OLFM2: variants seen among roughly 807,000 people sequenced by gnomAD.
OLFM2 encodes noelin-2.
Under a neutral mutation model 43.9 loss-of-function variants are expected in OLFM2, and 20 were observed. That is an observed-to-expected ratio of 0.46 (90% CI 0.32 to 0.66). The LOEUF (loss-of-function observed/expected upper bound fraction) is 0.66, where lower values mean the gene tolerates loss of function less well. Ranked by LOEUF, OLFM2 falls within the 30% of genes least tolerant of loss-of-function variation. OLFM2 has a pLI of 0.04. For missense variants in OLFM2, 416 were observed against 643.6 expected, an observed-to-expected ratio of 0.65 and a Z score of 3.83; for synonymous variants, 268 against 278.6, an observed-to-expected ratio of 0.96 and a Z score of 0.38.
Position 9,860,702 on chromosome 19 carries a change from C to T in OLFM2, c.156G>A (p.Ala52=), listed in dbSNP as rs764022815. The T allele has an allele frequency of 1.9e-5, 30 of 1,604,380 alleles. No individual in the cohort carries two copies. Among genetic ancestry groups the T allele is most frequent in the South Asian group, 5.6e-5 (5 of 89,314 alleles). ...GKCICTAVIP[A]QSTCSRDGRS... is the part of the protein sequence containing the mutation. ...TGCCATCTCGAGAGCAGGTACTCTG[C>T]GCTGGGATCACGGCCGTGCAGATGC... Residue 52 remains alanine, a synonymous_variant, in exon 2 of 6, where the codon GCG becomes GCA. Coordinates refer to ENST00000264833, the MANE Select transcript of OLFM2 (RefSeq NM_058164.4).
intron 1 of OLFM2, among the ~76,000 whole-genome samples, chr19:9,867,504 G>A (rs988598945): frequency 6.6e-6 from 1 of 152,188 alleles, no homozygotes; most frequent in East Asian, 1.9e-4. Context: ...GAGAGCAAGC[G>A]CCTGCCTCTT....
intron 1 of OLFM2, among the ~76,000 whole-genome samples, chr19:9,883,427 G>C (rs978528751): frequency 6.6e-6 from 1 of 152,044 alleles, no homozygotes; most frequent in Admixed American, 6.6e-5. Flanking sequence ...GGAGGGGGTA[G>C]TGGCGGCCAC....
intron 1 of OLFM2, among the ~76,000 whole-genome samples, chr19:9,880,339 T>C (rs988234430): frequency 2.0e-5 from 3 of 152,112 alleles, no homozygotes; most frequent in Non-Finnish European, 4.4e-5. Flanking sequence ...GGTACTGGGG[T>C]CACTACTGTC....
chr19:9,887,804 C>G (rs34881781), intron 1 of OLFM2, among the ~76,000 whole-genome samples: 18,921 of 152,048 alleles, frequency 0.12, 1,252 homozygotes, highest in Middle Eastern at 0.18. Context: ...ATTTTGAGGC[C>G]AGAGGATCAC....
chr19:9,911,001 T>C (rs141654272), intron 1 of OLFM2, among the ~76,000 whole-genome samples: 122 of 151,876 alleles, frequency 8.0e-4, no homozygotes, highest in Middle Eastern at 6.8e-3. Context: ...GATGGAAGGA[T>C]GGGCGTAAAA....
chr19:9,867,231 C>T (rs540217159), intron 1 of OLFM2, among the ~76,000 whole-genome samples: 11 of 152,192 alleles, frequency 7.2e-5, no homozygotes, highest in Admixed American at 1.3e-4. Context: ...ATTAGCCAGA[C>T]GTGGTGGCAG....
intron 1 of OLFM2, among the ~76,000 whole-genome samples, chr19:9,875,199 C>T (rs1041213375): frequency 3.9e-5 from 6 of 152,174 alleles, no homozygotes; most frequent in Non-Finnish European, 8.8e-5. Context: ...TATTTAAGGG[C>T]TTTTGTACCA....
rs760938335 is a variant in OLFM2 at position 9,857,474 on chromosome 19, C to T, written c.369G>A (p.Lys123=). 1.9e-6 allele frequency: 3 copies of T among 1,613,652 alleles called. No individual in the cohort carries two copies. The highest frequency in any genetic ancestry group is 8.5e-7 in the Non-Finnish European group (1 of 1,180,008). The change falls in exon 4 of 6, where the codon AAG becomes AAA. Residue 123 remains lysine, a synonymous_variant. Coordinates refer to ENST00000264833, the MANE Select transcript of OLFM2 (RefSeq NM_058164.4). The surrounding 1 kb of genome is among the most constrained non-coding windows in gnomAD (Gnocchi z 5.7). ...SLSAKSFQEL[K]DRMTELLPLS... ...GGGGCAACAGTTCCGTCATCCTGTC[C>T]TTCAGCTCCTGTGCATCAAGATGGA...
At chr19:9,918,326 G>T (rs1340474066) in intron 1 of OLFM2, among the ~76,000 whole-genome samples, 2 of 152,002 alleles carry the variant, frequency 1.3e-5, no homozygotes, top group East Asian at 3.9e-4. Context: ...GAATAGGTGA[G>T]ACTACAGAGG....
chr19:9,879,880 G>A (rs1040064704), intron 1 of OLFM2, among the ~76,000 whole-genome samples: 1 of 151,992 alleles, frequency 6.6e-6, no homozygotes, highest in Admixed American at 6.6e-5. Flanking sequence ...GGGTTCAAGT[G>A]AGTCTCCTGG....
chr19:9,890,678 T>C (rs2046631149), intron 1 of OLFM2, among the ~76,000 whole-genome samples: 1 of 152,052 alleles, frequency 6.6e-6, no homozygotes, highest in South Asian at 2.1e-4. Context: ...GTGGACCAGG[T>C]GTGGTGGCTC....
At chr19:9,936,228 G>A in intron 1 of OLFM2, 76 bp downstream of exon 1, 2 of 1,470,076 alleles carry the variant, frequency 1.4e-6, no homozygotes, top group Non-Finnish European at 1.8e-6. Context: ...TCCCAACCCC[G>A]TTTCTCCGGG....
At chr19:9,930,876 T>A (rs1469997322) in intron 1 of OLFM2, among the ~76,000 whole-genome samples, 2 of 151,906 alleles carry the variant, frequency 1.3e-5, no homozygotes, top group African/African-American at 2.4e-5. Context: ...ATCATCATCA[T>A]CAACTTTTTA....
intron 1 of OLFM2, among the ~76,000 whole-genome samples, chr19:9,904,917 G>T (rs976908353): frequency 1.3e-5 from 2 of 152,118 alleles, no homozygotes; most frequent in Non-Finnish European, 2.9e-5. Flanking sequence ...TATTTGGGAG[G>T]CTCAGGCAGG....
At chr19:9,902,429 C>T (rs966281288) in intron 1 of OLFM2, among the ~76,000 whole-genome samples, 3 of 146,426 alleles carry the variant, frequency 2.0e-5, no homozygotes, top group African/African-American at 7.7e-5. Flanking sequence ...GTCGCCCAGG[C>T]TGGAGTGCAA....
At chr19:9,863,154 G>C (rs2046376588) in intron 1 of OLFM2, among the ~76,000 whole-genome samples, 1 of 152,126 alleles carries the variant, frequency 6.6e-6, no homozygotes, top group South Asian at 2.1e-4. Flanking sequence ...CAGGCAGAGA[G>C]AACAGCAAGT....
chr19:9,867,972 G>C (rs1321750262), intron 1 of OLFM2, among the ~76,000 whole-genome samples: 1 of 151,900 alleles, frequency 6.6e-6, no homozygotes, highest in East Asian at 1.9e-4. Context: ...CATGATCATA[G>C]CTCACTGCAG....
At chr19:9,923,514 G>A (rs1273782858) in intron 1 of OLFM2, among the ~76,000 whole-genome samples, 3 of 146,062 alleles carry the variant, frequency 2.1e-5, no homozygotes, top group Non-Finnish European at 1.5e-5. Flanking sequence ...CAAGATCATC[G>A]CCACTGCACT....
At chr19:9,875,690 T>A (rs1161774689) in intron 1 of OLFM2, among the ~76,000 whole-genome samples, 1 of 151,340 alleles carries the variant, frequency 6.6e-6, no homozygotes, top group Admixed American at 6.6e-5. Flanking sequence ...GTTTTTTGTT[T>A]GTTTTTTCTC....
Sources: allele counts gnomAD v4.1 joint callset (sites outside exome capture counted in the v4.1 genomes callset), GRCh38; gene constraint gnomAD v4.1.1; non-coding constraint Gnocchi (gnomAD v3.1); transcripts MANE v1.5; gene names NCBI Gene and HGNC (gene_info 2026-07-23, HGNC 2026-07-21).